Variants in ULK2 observed in about 807,000 individuals in gnomAD.
The protein encoded by ULK2 is serine/threonine-protein kinase ULK2.
A neutral mutation model predicts 127.5 loss-of-function variants in ULK2; 76 were observed. The observed-to-expected ratio is 0.60, with a 90% confidence interval of 0.50 to 0.72. The LOEUF is 0.72. Among genes scored for constraint, ULK2 ranks in the 30% least tolerant of loss-of-function variants. The probability of loss-of-function intolerance (pLI) is 0.00; values close to 1 mark genes in which losing one functional copy is unlikely to be tolerated. For synonymous variants in ULK2, 452 were observed against 461.9 expected, an observed-to-expected ratio of 0.98 and a Z score of 0.28; for missense variants, 1,144 against 1,295.9, an observed-to-expected ratio of 0.88 and a Z score of 1.80.
intron 3 of ULK2, among the ~76,000 whole-genome samples, chr17:19,850,979 G>A (rs2042001191): frequency 6.6e-6 from 1 of 151,876 alleles, no homozygotes; most frequent in Non-Finnish European, 1.5e-5. Context: ...AAGAGTTCAA[G>A]ACTAGCCTAG....
In ULK2 at chr17:19,816,917, G is replaced by A; in HGVS notation, c.928C>T (p.Leu310Phe). The A allele has an allele frequency of 5.0e-6, 8 of 1,600,240 alleles. No individual in the cohort carries two copies. Among genetic ancestry groups the A allele is most frequent in the Non-Finnish European group, 6.8e-6 (8 of 1,175,816 alleles). Reference protein sequence around the residue: ...PSCRFASPPSLPDMQHIQEEN... With the variant: ...PSCRFASPPSFPDMQHIQEEN... Reference sequence around the variant, plus strand: ...TCCTGAATATGCTGCATATCTGGAAGGGACTAAAATTAACAACATAAAATT... The same window carrying A: ...TCCTGAATATGCTGCATATCTGGAAAGGACTAAAATTAACAACATAAAATT... Residue 310 changes from leucine (L) to phenylalanine (F), a missense_variant, in exon 13 of 27, where the codon CTT (leucine) becomes TTT (phenylalanine). Physicochemically the swap from Leu to Phe is conservative, Grantham distance 22. Around this residue, in one of 2 missense-constraint regions of ULK2, gnomAD observed 913 missense variants for 970.5 expected, o/e 0.94. Transcript: ENST00000395544.
intron 12 of ULK2, among the ~76,000 whole-genome samples, chr17:19,820,156 C>T (rs541196831): frequency 6.6e-6 from 1 of 151,244 alleles, no homozygotes; most frequent in African/African-American, 2.4e-5. Flanking sequence ...TCAAGCGATT[C>T]TCCTGCTGCA....
intron 8 of ULK2, among the ~76,000 whole-genome samples, chr17:19,842,482 C>A (rs1438679848): frequency 6.6e-6 from 1 of 152,050 alleles, no homozygotes; most frequent in Non-Finnish European, 1.5e-5. Context: ...CAGGTGTGAG[C>A]CACCACGCCT....
chr17:19,807,854 G>A lies in ULK2; in HGVS notation c.1157+2524C>T, dbSNP rs114418393. 3.5e-3 allele frequency among the ~76,000 whole-genome samples: 535 copies of A among 152,224 alleles called. 3 individuals carry two copies. Among genetic ancestry groups the A allele is most frequent in the African/African-American group, 0.012 (515 of 41,532 alleles). On this transcript the variant is annotated intron_variant, in intron 14 of 26. Transcript: ENST00000395544. ...GGGGCGCCTTAGAGTACATCAAATT[G>A]TTTAAGGTTTGGGAGGCTGAAGCAG...
intron 15 of ULK2, among the ~76,000 whole-genome samples, chr17:19,804,200 T>C (rs569732748): frequency 6.7e-6 from 1 of 150,070 alleles, no homozygotes; most frequent in South Asian, 2.1e-4. Flanking sequence ...CTGGTCAATG[T>C]AGTGAGACCC....
rs1463552628 is a variant in ULK2 at position 19,838,401 on chromosome 17, T to G, written c.787+100A>C. 5 of 1,063,756 alleles carry G rather than the reference T, an allele frequency of 4.7e-6. No individual in the cohort carries two copies. The South Asian group carries it at 7.4e-5, about 16-fold the overall frequency. 65.9% of individuals were successfully genotyped at this position (1,063,756 alleles called of 1,614,324 possible). A position where few individuals can be genotyped will look rare whatever the true frequency, so the allele number is the denominator to read the frequency against. ...TGAAGGAAATAAACAAAAAGAAAAG[T>G]GAAACTGACTTTAATTTTCTGAAAT... is the stretch of plus-strand genomic sequence containing the variant. On this transcript the variant is annotated intron_variant, in intron 10 of 26. Transcript: ENST00000395544.
chr17:19,827,248 G>A (rs576731051), intron 10 of ULK2, among the ~76,000 whole-genome samples: 7 of 152,290 alleles, frequency 4.6e-5, no homozygotes, highest in Admixed American at 1.3e-4. Flanking sequence ...TGAACTGGGT[G>A]CTTCACAAAC....
chr17:19,826,912 G>A (rs1226380612), intron 10 of ULK2, among the ~76,000 whole-genome samples: 7 of 150,898 alleles, frequency 4.6e-5, no homozygotes, highest in South Asian at 2.1e-4. Flanking sequence ...AGCCGAGATC[G>A]CGCCACTGCA....
chr17:19,831,328 T>C (rs2041437461), intron 10 of ULK2, among the ~76,000 whole-genome samples: 2 of 151,924 alleles, frequency 1.3e-5, no homozygotes, highest in African/African-American at 4.8e-5. Context: ...CCCCGTCTCA[T>C]CTCATTCAAG....
intron 3 of ULK2, among the ~76,000 whole-genome samples, chr17:19,854,998 G>T (rs2042093491): frequency 6.6e-6 from 1 of 151,716 alleles, no homozygotes; most frequent in South Asian, 2.1e-4. Flanking sequence ...TACTCAGGAG[G>T]CTGAGGCAGT....
intron 17 of ULK2, among the ~76,000 whole-genome samples, chr17:19,799,048 C>A (rs543845495): frequency 6.6e-6 from 1 of 151,700 alleles, no homozygotes; most frequent in African/African-American, 2.4e-5. Context: ...GTAGTCCCAG[C>A]TACTTGGGTG....
intron 7 of ULK2, among the ~76,000 whole-genome samples, chr17:19,845,055 G>C (rs553884764): frequency 6.6e-6 from 1 of 152,070 alleles, no homozygotes; most frequent in Non-Finnish European, 1.5e-5. Flanking sequence ...CAACTTAATA[G>C]ATTTGTCTCA....
intron 24 of ULK2, 33 bp from the exon 25 acceptor site, chr17:19,780,662 A>G (rs764724736): frequency 6.4e-7 from 1 of 1,573,178 alleles, no homozygotes; most frequent in South Asian, 1.2e-5. Flanking sequence ...ACTAATTTTA[A>G]TTTTCCTCCA....
intron 14 of ULK2, among the ~76,000 whole-genome samples, chr17:19,808,043 C>T (rs1458020007): frequency 1.3e-5 from 2 of 152,040 alleles, no homozygotes. Flanking sequence ...GAGGCGGAGG[C>T]TGCAGCAAGC....
chr17:19,795,815 G>T, intron 19 of ULK2, 90 bp from the exon 20 acceptor site: 1 of 1,209,426 alleles, frequency 8.3e-7, no homozygotes, highest in South Asian at 1.3e-5. Flanking sequence ...GAGGAAACAA[G>T]AAATAGATAC....
At chr17:19,840,177 C>T in intron 9 of ULK2, 1 of 481,906 alleles carries the variant, frequency 2.1e-6, no homozygotes, top group Admixed American at 2.3e-5. Context: ...GCCCCCGACC[C>T]TCAACCCAGC....
In ULK2 at chr17:19,780,988, T is replaced by C; in HGVS notation, c.2756A>G (p.Gln919Arg). Residue 919 changes from glutamine to arginine, a missense_variant and splice_region_variant, in exon 24 of 27, where the codon CAA becomes CGA. This residue lies in a region of ULK2 where 913 missense variants were observed against 970.5 expected (regional missense o/e 0.94). Coordinates refer to ENST00000395544, the MANE Select transcript of ULK2 (RefSeq NM_014683.4). ...GKLSPSTAVK[Q>R]VVKNLNERYK... ...TTACACGCTGCCTTCTCCCATACCT[T>C]GTTTCACAGCTGTGGATGGGCTCAG... The C allele has an allele frequency of 1.9e-6, 3 of 1,613,952 alleles. No individual in the cohort carries two copies. Among genetic ancestry groups the C allele is most frequent in the Non-Finnish European group, 2.5e-6 (3 of 1,179,960 alleles).
At chr17:19,809,737 A>AAC (rs1487065124) in intron 14 of ULK2, among the ~76,000 whole-genome samples, 1 of 150,088 alleles carries the variant, frequency 6.7e-6, no homozygotes, top group Non-Finnish European at 1.5e-5. Flanking sequence ...CGTCTCAAAA[A>AAC]AAAAAAAAAA....
At position 19,786,048 on chromosome 17, in the gene ULK2, C is replaced by T. The variant is rs1268374780; in HGVS notation, c.2140G>A (p.Ala714Thr). The part of the protein sequence containing the change: ...GACGGVLAPP[A>T]GTAASSKAVL... ...GCCTTGGAACTTGCTGCTGTACCTGCAGGAGGTGCCAGAACACCACCACAG... is the reference window on the plus strand; with the variant it reads ...GCCTTGGAACTTGCTGCTGTACCTGTAGGAGGTGCCAGAACACCACCACAG... Residue 714 changes from alanine (A) to threonine (T), a missense_variant, in exon 21 of 27, where the codon GCA becomes ACA. Ala to Thr is a moderately conservative substitution (Grantham distance 58, BLOSUM62 0). Coordinates refer to ENST00000395544, the MANE Select transcript of ULK2 (RefSeq NM_014683.4). 8 of 1,572,058 alleles carry T rather than the reference C, an allele frequency of 5.1e-6. No homozygotes were observed. The highest frequency in any genetic ancestry group is 6.9e-6 in the Non-Finnish European group (8 of 1,165,816).
Sources: gnomAD v4.1 joint callset for allele counts (sites outside exome capture counted in the v4.1 genomes callset) on GRCh38, gnomAD v4.1.1 for gene constraint, gnomAD v4.1.1 regional missense constraint, MANE v1.5 for transcripts, NCBI Gene and HGNC (gene_info 2026-07-23, HGNC 2026-07-21) for gene names.